CNBD1: variants seen among roughly 807,000 people sequenced by gnomAD.
CNBD1 encodes the protein cyclic nucleotide-binding domain-containing protein 1.
Under a neutral mutation model 54.4 loss-of-function variants are expected in CNBD1, and 71 were observed. That is an observed-to-expected ratio of 1.30 (90% CI 1.08 to 1.59). The LOEUF is 1.59. Among genes scored for constraint, CNBD1 ranks in the 40% most tolerant of loss-of-function variants. The pLI is 0.00. For missense variants in CNBD1, 659 were observed against 518.0 expected (o/e 1.27, Z -2.64); for synonymous variants, 182 against 170.7 (o/e 1.07, Z -0.51).
chr8:86,991,826 G>A (rs1031486110), intron 4 of CNBD1, among the ~76,000 whole-genome samples: 10 of 152,246 alleles, frequency 6.6e-5, no homozygotes, highest in Middle Eastern at 3.4e-3. Flanking sequence ...GTAGTTTTGA[G>A]AGATCTTCTT....
chr8:86,968,228 TTTTTG>T (rs993736620), intron 4 of CNBD1, among the ~76,000 whole-genome samples: 19 of 152,146 alleles, frequency 1.2e-4, no homozygotes, highest in Non-Finnish European at 1.5e-5. Flanking sequence ...TCAAACCATT[TTTTTG>T]TTTTGTTTTG....
chr8:87,236,236 CA>C (rs1807582735), intron 5 of CNBD1, among the ~76,000 whole-genome samples: 1 of 152,124 alleles, frequency 6.6e-6, no homozygotes, highest in Admixed American at 6.5e-5. Context: ...CCTTATTCTT[CA>C]AAGGCTTCAG....
chr8:87,052,667 G>A (rs1475678984), intron 4 of CNBD1, among the ~76,000 whole-genome samples: 1 of 152,068 alleles, frequency 6.6e-6, no homozygotes, highest in East Asian at 1.9e-4. Flanking sequence ...TGGATGAGGA[G>A]GTTTTCTTTG....
chr8:87,045,219 G>GT (rs954820054), intron 4 of CNBD1, among the ~76,000 whole-genome samples: 4 of 152,124 alleles, frequency 2.6e-5, no homozygotes, highest in Non-Finnish European at 4.4e-5. Flanking sequence ...AACAATTCCG[G>GT]TTATAGCATT....
At chr8:86,970,164 A>C (rs928845151) in intron 4 of CNBD1, among the ~76,000 whole-genome samples, 2 of 152,156 alleles carry the variant, frequency 1.3e-5, no homozygotes, top group Non-Finnish European at 2.9e-5. Flanking sequence ...CATTGAAAAT[A>C]ATAAGACTCT....
At chr8:87,234,223 T>C (rs1807526042) in intron 5 of CNBD1, among the ~76,000 whole-genome samples, 1 of 152,148 alleles carries the variant, frequency 6.6e-6, no homozygotes. Flanking sequence ...GAATCAACTT[T>C]TCCAAACTCC....
chr8:87,288,189 T>A (rs1381751466), intron 8 of CNBD1, among the ~76,000 whole-genome samples: 1 of 152,020 alleles, frequency 6.6e-6, no homozygotes, highest in Non-Finnish European at 1.5e-5. Flanking sequence ...CCTTCACTGG[T>A]CTCTTTTGTT....
rs1255744465 is a variant in CNBD1 at position 87,353,780 on chromosome 8, C to A, written c.1297C>A (p.Leu433Ile). The change falls in exon 10 of 11, where the codon CTA (leucine) becomes ATA (isoleucine). Residue 433 changes from leucine (L) to isoleucine (I), a missense_variant. By Grantham distance (5) the Leu-to-Ile change is conservative. Transcript: ENST00000518476. ...GATGGCAATCATTGAAGATAAGGAC[C>A]TATTTGGTAAATGCATAAATATCTT... ...VEMAIIEDKD[L>I]FVA 34 of 1,598,960 alleles carry A rather than the reference C, an allele frequency of 2.1e-5. No individual in the cohort carries two copies. The highest frequency in any genetic ancestry group is 1.7e-4 in the Middle Eastern group (1 of 5,806).
At chr8:87,378,116 T>C (rs1810990240) in intron 10 of CNBD1, among the ~76,000 whole-genome samples, 1 of 144,454 alleles carries the variant, frequency 6.9e-6, no homozygotes, top group African/African-American at 2.6e-5. Context: ...CTGTTCACTC[T>C]GATGGTAGTT....
chr8:87,230,568 T>C (rs1814662518), intron 5 of CNBD1, among the ~76,000 whole-genome samples: 1 of 152,192 alleles, frequency 6.6e-6, no homozygotes, highest in Non-Finnish European at 1.5e-5. Flanking sequence ...TTTGTAACTT[T>C]TGACAAGTTA....
chr8:87,282,176 A>G (rs1808613872), intron 6 of CNBD1, among the ~76,000 whole-genome samples: 1 of 151,668 alleles, frequency 6.6e-6, no homozygotes, highest in Admixed American at 6.6e-5. Context: ...AAACCTATAC[A>G]ATATTTTTCT....
rs1282109910 is a variant in CNBD1 at position 87,242,318 on chromosome 8, A to G, written c.771+5206A>G. The stretch of plus-strand genomic sequence containing the variant: ...CTTTTTCCTGATACAAGAGAAAATT[A>G]GCTAAGAATCTGGCACCTTTTTAAG... On this transcript the variant is annotated intron_variant, in intron 6 of 10. Transcript: ENST00000518476. Among the ~76,000 whole-genome samples the G allele has an allele frequency of 5.3e-5, 8 of 152,300 alleles. No individual in the cohort carries two copies. In the East Asian group the frequency reaches 1.5e-3, roughly 29 times the overall value.
intron 4 of CNBD1, among the ~76,000 whole-genome samples, chr8:87,046,375 G>C: frequency 6.6e-6 from 1 of 152,156 alleles, no homozygotes; most frequent in Non-Finnish European, 1.5e-5. Context: ...TGTTATGGAA[G>C]TAATAGACCT....
intron 3 of CNBD1, among the ~76,000 whole-genome samples, chr8:86,911,631 A>G (rs1012346112): frequency 2.0e-5 from 3 of 152,204 alleles, no homozygotes; most frequent in African/African-American, 7.2e-5. Context: ...TGAAATATAC[A>G]GTAGATTATT....
At chr8:86,872,860 A>G (rs75924898) in intron 1 of CNBD1, among the ~76,000 whole-genome samples, 2,011 of 152,200 alleles carry the variant, frequency 0.013, 43 homozygotes, top group African/African-American at 0.046. Context: ...TATAGTCTCC[A>G]TTCTGTGGGT....
chr8:87,155,810 C>A (rs1446339479), intron 4 of CNBD1, among the ~76,000 whole-genome samples: 1 of 152,114 alleles, frequency 6.6e-6, no homozygotes, highest in Non-Finnish European at 1.5e-5. Flanking sequence ...CAATCAGGTT[C>A]TTTAGGAGGG....
chr8:87,294,362 C>G (rs543967163), intron 8 of CNBD1, among the ~76,000 whole-genome samples: 76 of 152,304 alleles, frequency 5.0e-4, no homozygotes, highest in African/African-American at 1.7e-3. Context: ...CCAGAGTGCT[C>G]TGTTGCTGCA....
At position 86,932,832 on chromosome 8, in the gene CNBD1, G is replaced by GTT. The variant is rs1040572008; in HGVS notation, c.273-6755_273-6754dup. 4.7e-5 allele frequency among the ~76,000 whole-genome samples: 7 copies of GTT among 149,768 alleles called. No individual in the cohort carries two copies. The South Asian group carries it at 8.5e-4, about 18-fold the overall frequency. On this transcript the variant is annotated intron_variant, in intron 3 of 10. Transcript: ENST00000518476. ...AAAAAACTGCCTATGGTTTTGTTCT[G>GTT]TTTTTTTTTTCTTCCCCGCCCAATA...
At chr8:87,261,411 A>C (rs1474213080) in intron 6 of CNBD1, among the ~76,000 whole-genome samples, 1 of 152,084 alleles carries the variant, frequency 6.6e-6, no homozygotes, top group Non-Finnish European at 1.5e-5. Flanking sequence ...CAGCTGAATT[A>C]AATTTAATGG....
Sources: allele counts gnomAD v4.1 joint callset (sites outside exome capture counted in the v4.1 genomes callset), GRCh38; gene constraint gnomAD v4.1.1; transcripts MANE v1.5; gene names NCBI Gene and HGNC (gene_info 2026-07-23, HGNC 2026-07-21).